ZNF184: variants seen among roughly 807,000 people sequenced by gnomAD.
ZNF184 encodes zinc finger protein 184.
In ZNF184, 16 loss-of-function variants were observed where a neutral mutation model predicts 54.4. The ratio of observed to expected loss-of-function variants is 0.29; its 90% CI spans 0.20 to 0.45. The LOEUF (loss-of-function observed/expected upper bound fraction) is 0.45. Ranked by LOEUF, ZNF184 falls within the 20% of genes least tolerant of loss-of-function variation. The pLI is 1.00. For missense variants in ZNF184, 681 were observed against 888.2 expected, an observed-to-expected ratio of 0.77 and a Z score of 2.97; for synonymous variants, 254 against 295.3, an observed-to-expected ratio of 0.86 and a Z score of 1.43.
intron 5 of ZNF184, among the ~76,000 whole-genome samples, chr6:27,455,462 T>G (rs1762830616): frequency 6.6e-6 from 1 of 152,224 alleles, no homozygotes; most frequent in South Asian, 2.1e-4. Context: ...TAAAATTTCA[T>G]TTTTAATTTG....
chr6:27,468,785 A>G (rs1763203696), intron 2 of ZNF184, among the ~76,000 whole-genome samples: 1 of 152,234 alleles, frequency 6.6e-6, no homozygotes, highest in Non-Finnish European at 1.5e-5. Context: ...CTGTATGACT[A>G]TATTTATATT....
Position 27,452,616 on chromosome 6 carries a change from A to G in ZNF184, c.943T>C (p.Phe315Leu). ...TGAACAAGATGGGTCCTCTGACTAA[A>G]GGCTTTCCCACATTCATCACATTTA... ...PYKCDECGKA[F>L]SQRTHLVQHQ... Residue 315 changes from phenylalanine (F) to leucine (L), a missense_variant, in exon 6 of 6, where the codon TTT becomes CTT. Transcript: ENST00000683788. The surrounding 1 kb of genome is among the most constrained non-coding windows in gnomAD (Gnocchi z 5.5). 6.2e-7 allele frequency: 1 copy of G among 1,614,046 alleles called. No individual in the cohort carries two copies. The highest frequency in any genetic ancestry group is 8.5e-7 in the Non-Finnish European group (1 of 1,179,988).
At chr6:27,409,734 C>G in the ZNF184 span, among the ~76,000 whole-genome samples, 4 of 151,624 alleles carry the variant, frequency 2.6e-5, no homozygotes, top group African/African-American at 4.8e-5. Context: ...AAGAAAAATA[C>G]GTTAAAAATA....
chr6:27,453,150 T>G lies in ZNF184; in HGVS notation c.409A>C (p.Ser137Arg). Residue 137 changes from serine (S) to arginine (R), a missense_variant, in exon 6 of 6, where the codon AGT becomes CGT. Coordinates refer to ENST00000683788, the MANE Select transcript of ZNF184 (RefSeq NM_001318891.2). The surrounding 1 kb of genome is among the most constrained non-coding windows in gnomAD (Gnocchi z 4.7). ...VEKHKRDDSW[S>R]SNLLESWEYE... ...TCCCAACTTTCTAGCAAGTTGGAAC[T>G]CCAAGAATCATCTCTTTTGTGTTTT... 6.2e-7 allele frequency: 1 copy of G among 1,614,150 alleles called. No individual in the cohort carries two copies. Among genetic ancestry groups the G allele is most frequent in the South Asian group, 1.1e-5 (1 of 91,078 alleles).
At chr6:27,410,368 T>C in the ZNF184 span, among the ~76,000 whole-genome samples, 8 of 152,280 alleles carry the variant, frequency 5.3e-5, no homozygotes, top group African/African-American at 1.7e-4. Context: ...GTAAGGAAAG[T>C]CAGAGAGGTG....
the ZNF184 span, among the ~76,000 whole-genome samples, chr6:27,425,769 A>G: frequency 6.6e-6 from 1 of 152,202 alleles, no homozygotes; most frequent in Non-Finnish European, 1.5e-5. Flanking sequence ...CTACTCAGTG[A>G]TTCTTTTCCC....
At chr6:27,423,223 C>T in the ZNF184 span, among the ~76,000 whole-genome samples, 1 of 152,206 alleles carries the variant, frequency 6.6e-6, no homozygotes, top group African/African-American at 2.4e-5. Flanking sequence ...TTAGAAACCC[C>T]GTGTGAGGTC....
chr6:27,462,056 A>G (rs1763008818), intron 3 of ZNF184, among the ~76,000 whole-genome samples: 1 of 152,210 alleles, frequency 6.6e-6, no homozygotes, highest in South Asian at 2.1e-4. Flanking sequence ...GGCATTGGGT[A>G]GAATACTCAA....
chr6:27,411,105 C>T, the ZNF184 span, among the ~76,000 whole-genome samples: 10 of 152,122 alleles, frequency 6.6e-5, no homozygotes, highest in Non-Finnish European at 1.5e-4. Flanking sequence ...GGCACCAGAC[C>T]GGTTGGTATT....
the ZNF184 span, among the ~76,000 whole-genome samples, chr6:27,419,567 TAGA>T: frequency 2.0e-3 from 301 of 152,232 alleles, 2 homozygotes; most frequent in Admixed American, 4.6e-3. This position sits in a 1 kb window ranked among gnomAD's most constrained non-coding sequence, Gnocchi z 4.8. Context: ...GATAGATAGA[TAGA>T]TAGATTCATA....
At chr6:27,450,204 T>C (rs1461008816), downstream of ZNF184, among the ~76,000 whole-genome samples, 2 of 152,212 alleles carry the variant, frequency 1.3e-5, no homozygotes, top group Non-Finnish European at 2.9e-5. Context: ...AAAAAACACT[T>C]ATGCCTGGGT....
In ZNF184 at chr6:27,452,032, C is replaced by A. The variant is rs749706124; in HGVS notation, c.1527G>T (p.Lys509Asn). 4 of 1,613,924 alleles carry A rather than the reference C, an allele frequency of 2.5e-6. No homozygotes were observed. The East Asian group carries it at 6.7e-5, about 27-fold the overall frequency. ...EKPFECSECG[K>N]AFSYLSNLNQ... ...TAAGGTTTGAGAGATAACTGAAAGC[C>A]TTTCCACATTCACTGCATTCAAAGG... Residue 509 changes from lysine (K) to asparagine (N), a missense_variant, in exon 6 of 6, where the codon AAG becomes AAT. Physicochemically the swap from Lys to Asn is moderately conservative, Grantham distance 94. Coordinates refer to ENST00000683788, the MANE Select transcript of ZNF184 (RefSeq NM_001318891.2). This position sits in a 1 kb window ranked among gnomAD's most constrained non-coding sequence, Gnocchi z 5.5.
At chr6:27,423,660 G>A in the ZNF184 span, among the ~76,000 whole-genome samples, 1 of 138,926 alleles carries the variant, frequency 7.2e-6, no homozygotes, top group East Asian at 2.1e-4. Flanking sequence ...ACAAAACACC[G>A]CTCAGATCAT....
At chr6:27,464,648 CATTACATGTAAGA>C (rs1192664508) in intron 3 of ZNF184, among the ~76,000 whole-genome samples, 1 of 152,126 alleles carries the variant, frequency 6.6e-6, no homozygotes, top group African/African-American at 2.4e-5. Flanking sequence ...AAATGTAACA[CATTACATGTAAGA>C]TCATACTGAA....
chr6:27,422,919 T>C, the ZNF184 span, among the ~76,000 whole-genome samples: 2 of 152,216 alleles, frequency 1.3e-5, no homozygotes, highest in African/African-American at 2.4e-5. Flanking sequence ...TCTGTCGTTA[T>C]TGGGTTCATA....
chr6:27,419,104 A>G, the ZNF184 span, among the ~76,000 whole-genome samples: 12 of 151,820 alleles, frequency 7.9e-5, no homozygotes, highest in Middle Eastern at 3.4e-3. This position sits in a 1 kb window ranked among gnomAD's most constrained non-coding sequence, Gnocchi z 4.8. Context: ...ATTTTAGTAT[A>G]TATTTATTTA....
the ZNF184 span, among the ~76,000 whole-genome samples, chr6:27,432,208 A>T: frequency 6.6e-6 from 1 of 152,140 alleles, no homozygotes; most frequent in Non-Finnish European, 1.5e-5. The surrounding 1 kb of genome is among the most constrained non-coding windows in gnomAD (Gnocchi z 4.0). Context: ...GTCGGCAGTC[A>T]ACTATCATAA....
At chr6:27,456,177 A>G (rs574463136) in intron 5 of ZNF184, among the ~76,000 whole-genome samples, 7 of 152,018 alleles carry the variant, frequency 4.6e-5, no homozygotes, top group African/African-American at 9.7e-5. Flanking sequence ...AGGATTACTC[A>G]AGCCTGGGAA....
At chr6:27,419,296 C>G in the ZNF184 span, among the ~76,000 whole-genome samples, 1 of 152,064 alleles carries the variant, frequency 6.6e-6, no homozygotes, top group Non-Finnish European at 1.5e-5. This position sits in a 1 kb window ranked among gnomAD's most constrained non-coding sequence, Gnocchi z 4.8. Flanking sequence ...TCAGTAGAGA[C>G]AGGGTTTCGC....
Sources: allele counts gnomAD v4.1 joint callset (sites outside exome capture counted in the v4.1 genomes callset), GRCh38; gene constraint gnomAD v4.1.1; non-coding constraint Gnocchi (gnomAD v3.1); transcripts MANE v1.5; gene names NCBI Gene and HGNC (gene_info 2026-07-23, HGNC 2026-07-21).